PSKH1: variants seen among roughly 807,000 people sequenced by gnomAD.
PSKH1 encodes protein serine kinase H1.
PSKH1 carries 12 observed loss-of-function variants against 26.7 expected under a neutral mutation model. That is an observed-to-expected ratio of 0.45 (90% CI 0.29 to 0.73). PSKH1 has a LOEUF of 0.73. Among genes scored for constraint, PSKH1 ranks in the 30% least tolerant of loss-of-function variants. PSKH1 has a pLI of 0.11. For missense variants in PSKH1, 431 were observed against 595.2 expected (o/e 0.72, Z 2.87); for synonymous variants, 213 against 234.3 (o/e 0.91, Z 0.83).
In PSKH1 at chr16:67,911,961, C is replaced by T. The variant is rs116616835; in HGVS notation, c.957+2255C>T. Among the ~76,000 whole-genome samples the T allele has an allele frequency of 8.5e-3, 1,300 of 152,306 alleles. 8 individuals are homozygous for T. Among genetic ancestry groups the T allele is most frequent in the African/African-American group, 0.023 (947 of 41,568 alleles). On this transcript the variant is annotated intron_variant, in intron 2 of 2. Transcript: ENST00000291041. ...TCTGTTTGTACCACTCTTAGGAGAT[C>T]GTTGCGTAGGAGTCAGGCAGGTGGT...
rs954813659 is a variant in PSKH1, at chr16:67,927,170, C to T, written c.958-155C>T. On this transcript the variant is annotated intron_variant, in intron 2 of 2. Coordinates refer to ENST00000291041, the MANE Select transcript of PSKH1 (RefSeq NM_006742.3). This position sits in a 1 kb window ranked among gnomAD's most constrained non-coding sequence, Gnocchi z 5.5. ...ACCTGGAGAGCAGCCCTTGTTCAGCCTGAGCCAGCGTTGGGCGGGGAGGCC... is the reference window on the plus strand; with the variant it reads ...ACCTGGAGAGCAGCCCTTGTTCAGCTTGAGCCAGCGTTGGGCGGGGAGGCC... 2.0e-5 allele frequency among the ~76,000 whole-genome samples: 3 copies of T among 152,226 alleles called. No individual in the cohort carries two copies. The highest frequency in any genetic ancestry group is 2.0e-4 in the Admixed American group (3 of 15,288).
chr16:67,897,292 C>T (rs1013778763), intron 1 of PSKH1, among the ~76,000 whole-genome samples: 3 of 152,200 alleles, frequency 2.0e-5, no homozygotes, highest in African/African-American at 7.2e-5. Context: ...TATTTGAACT[C>T]CCTTTCCTTC....
intron 2 of PSKH1, among the ~76,000 whole-genome samples, chr16:67,922,339 G>A (rs559017057): frequency 6.6e-6 from 1 of 152,282 alleles, no homozygotes; most frequent in South Asian, 2.1e-4. Context: ...TCAGGCCCAC[G>A]TAAGTACAGA....
Position 67,927,615 on chromosome 16 carries a change from G to A in PSKH1, c.1248G>A (p.Leu416=). The change falls in exon 3 of 3, where the codon CTG becomes CTA. Residue 416 remains leucine, a synonymous_variant. Coordinates refer to ENST00000291041, the MANE Select transcript of PSKH1 (RefSeq NM_006742.3). The surrounding 1 kb of genome is among the most constrained non-coding windows in gnomAD (Gnocchi z 5.5). ...AACGGGAGCTGCGGGAGCTCAACCTGCGCTACCAGCAGCAATACAATGGCT... is the reference window on the plus strand; with the variant it reads ...AACGGGAGCTGCGGGAGCTCAACCTACGCTACCAGCAGCAATACAATGGCT... ...VRERELRELN[L]RYQQQYNG 1 of 1,608,564 alleles carries A rather than the reference G, an allele frequency of 6.2e-7. No individual in the cohort carries two copies. The highest frequency in any genetic ancestry group is 8.5e-7 in the Non-Finnish European group (1 of 1,179,450).
chr16:67,907,089 G>T (rs559155521), intron 1 of PSKH1, among the ~76,000 whole-genome samples: 1 of 146,732 alleles, frequency 6.8e-6, no homozygotes, highest in Non-Finnish European at 1.5e-5. Flanking sequence ...TCAGCCTCCC[G>T]AGTAGCTGGG....
intron 1 of PSKH1, among the ~76,000 whole-genome samples, chr16:67,895,213 A>G (rs1421348687): frequency 4.0e-5 from 6 of 150,328 alleles, no homozygotes; most frequent in Non-Finnish European, 7.4e-5. Flanking sequence ...ATAAGCCACT[A>G]TGCCTGGCTG....
intron 1 of PSKH1, among the ~76,000 whole-genome samples, chr16:67,903,440 C>T (rs930966853): frequency 6.6e-6 from 1 of 152,106 alleles, no homozygotes; most frequent in Admixed American, 6.5e-5. Flanking sequence ...GCATGAGCCA[C>T]TATGCCCCAT....
intron 1 of PSKH1, among the ~76,000 whole-genome samples, chr16:67,905,466 A>G (rs2058153614): frequency 1.3e-5 from 2 of 152,176 alleles, no homozygotes; most frequent in Admixed American, 6.6e-5. Flanking sequence ...AAAATTCAGC[A>G]TAGAGGTTAC....
intron 1 of PSKH1, among the ~76,000 whole-genome samples, chr16:67,894,521 T>C (rs1339240921): frequency 6.6e-6 from 1 of 152,198 alleles, no homozygotes; most frequent in Admixed American, 6.5e-5. Flanking sequence ...CCTACCAGTG[T>C]TGGAAACTTA....
intron 2 of PSKH1, chr16:67,910,002 T>G: frequency 3.9e-6 from 2 of 512,344 alleles, no homozygotes; most frequent in Non-Finnish European, 6.9e-6. Context: ...TATTGAGAAA[T>G]GGACTGCCAC....
At chr16:67,926,459 G>T (rs1166170028) in intron 2 of PSKH1, among the ~76,000 whole-genome samples, 1 of 152,192 alleles carries the variant, frequency 6.6e-6, no homozygotes, top group East Asian at 1.9e-4. Flanking sequence ...AAGCACTGGG[G>T]GCTAAGAGGG....
In PSKH1 at chr16:67,909,891, C is replaced by T. The variant is rs1393038040; in HGVS notation, c.957+185C>T. 5 of 608,546 alleles carry T rather than the reference C, an allele frequency of 8.2e-6. No homozygotes were observed. Among genetic ancestry groups the T allele is most frequent in the Non-Finnish European group, 1.4e-5 (5 of 345,996 alleles). 37.7% of individuals were successfully genotyped at this position (608,546 alleles called of 1,614,324 possible). On this transcript the variant is annotated intron_variant, in intron 2 of 2. Transcript: ENST00000291041. This position sits in a 1 kb window ranked among gnomAD's most constrained non-coding sequence, Gnocchi z 7.8. ...GGTTCCCTCAAGGTGAGCCCTGAGA[C>T]AAGGACTTGGGAGCAGATAGTTTAT...
chr16:67,913,262 T>G (rs2058178125), intron 2 of PSKH1, among the ~76,000 whole-genome samples: 1 of 149,990 alleles, frequency 6.7e-6, no homozygotes, highest in South Asian at 2.2e-4. Context: ...TTCTCCCGCC[T>G]CAGCCTCCCG....
Position 67,929,264 on chromosome 16 carries a change from A to C in PSKH1, c.*1622A>C, listed in dbSNP as rs1186687447. The C allele has an allele frequency of 1.3e-5, 2 of 152,432 alleles. No individual in the cohort carries two copies. The highest frequency in any genetic ancestry group is 4.8e-5 in the African/African-American group (2 of 41,454). The allele number at this position is 152,432 out of a possible 1,614,324, so 9.4% of individuals were successfully genotyped here. ...CTTCTGCCGGTCGGCAGCCTGGGCC[A>C]GGCCCTTTTCCTGCATGTGCCACCT... On this transcript the variant is annotated 3_prime_UTR_variant, in exon 3 of 3. Coordinates refer to ENST00000291041, the MANE Select transcript of PSKH1 (RefSeq NM_006742.3).
intron 2 of PSKH1, among the ~76,000 whole-genome samples, chr16:67,923,029 T>C (rs1386991495): frequency 3.9e-5 from 6 of 152,318 alleles, no homozygotes; most frequent in African/African-American, 1.2e-4. Context: ...CAGGCCCTTG[T>C]GCCAGACATT....
intron 2 of PSKH1, among the ~76,000 whole-genome samples, chr16:67,926,627 C>T (rs2058217261): frequency 6.6e-6 from 1 of 152,086 alleles, no homozygotes; most frequent in African/African-American, 2.4e-5. Context: ...GGAGTTCCTC[C>T]CAGGGGACAG....
rs2058223376 is a variant in PSKH1, at chr16:67,928,038, A to G, written c.*396A>G. On this transcript the variant is annotated 3_prime_UTR_variant, in exon 3 of 3. Transcript: ENST00000291041. The surrounding 1 kb of genome is among the most constrained non-coding windows in gnomAD (Gnocchi z 4.8). ...TCCTGTGGCCTCAGGACCCTTTGGG[A>G]CAGTTACTTCTGGGACCCCCTTTCC... The G allele has an allele frequency of 1.0e-5, 2 of 193,398 alleles. No homozygotes were observed. Among genetic ancestry groups the G allele is most frequent in the Middle Eastern group, 1.9e-3 (1 of 526 alleles). The allele number at this position is 193,398 out of a possible 1,614,324, so 12.0% of individuals were successfully genotyped here. A position where few individuals can be genotyped will look rare whatever the true frequency, so the allele number is the denominator to read the frequency against.
chr16:67,899,850 A>G (rs2058137006), intron 1 of PSKH1, among the ~76,000 whole-genome samples: 1 of 151,012 alleles, frequency 6.6e-6, no homozygotes, highest in Non-Finnish European at 1.5e-5. Flanking sequence ...GGGTTTCACC[A>G]TGTTGGACAG....
chr16:67,921,073 G>A (rs752301592), intron 2 of PSKH1, among the ~76,000 whole-genome samples: 3 of 152,116 alleles, frequency 2.0e-5, no homozygotes, highest in Non-Finnish European at 4.4e-5. Flanking sequence ...GAGATCAGGA[G>A]TTTGAGACCG....
Sources: gnomAD v4.1 joint callset for allele counts (sites outside exome capture counted in the v4.1 genomes callset) on GRCh38, gnomAD v4.1.1 for gene constraint, Gnocchi (gnomAD v3.1) non-coding constraint, MANE v1.5 for transcripts, NCBI Gene and HGNC (gene_info 2026-07-23, HGNC 2026-07-21) for gene names.